HIVEP2: variants seen among roughly 807,000 people sequenced by gnomAD.
HIVEP2 encodes the protein HIVEP zinc finger 2.
A neutral mutation model predicts 180.7 loss-of-function variants in HIVEP2; 14 were observed. The ratio of observed to expected loss-of-function variants is 0.08; its 90% confidence interval spans 0.05 to 0.12. The LOEUF (loss-of-function observed/expected upper bound fraction) is 0.12. Ranked by LOEUF, HIVEP2 falls within the 10% of genes least tolerant of loss-of-function variation. The pLI, the probability that HIVEP2 is intolerant of heterozygous loss-of-function variation, is 1.00. For missense variants in HIVEP2, 2,579 were observed against 3,008.5 expected (o/e 0.86, Z 3.34); for synonymous variants, 1,184 against 1,136.4 (o/e 1.04, Z -0.84).
At chr6:142,867,808 G>T (rs1776178817) in intron 1 of HIVEP2, among the ~76,000 whole-genome samples, 1 of 152,172 alleles carries the variant, frequency 6.6e-6, no homozygotes, top group East Asian at 1.9e-4. Flanking sequence ...GCAAGACTTG[G>T]TTGCTATCCT....
chr6:142,926,225 T>C (rs1777806280), intron 1 of HIVEP2, among the ~76,000 whole-genome samples: 1 of 152,232 alleles, frequency 6.6e-6, no homozygotes, highest in South Asian at 2.1e-4. Flanking sequence ...ACAGTAAAAG[T>C]CCATCTAATA....
chr6:142,808,346 T>C (rs926199283), intron 2 of HIVEP2, among the ~76,000 whole-genome samples: 2 of 149,522 alleles, frequency 1.3e-5, no homozygotes, highest in African/African-American at 2.5e-5. Flanking sequence ...GAGGGAGGGA[T>C]GAAGGAAGGG....
intron 2 of HIVEP2, among the ~76,000 whole-genome samples, chr6:142,790,112 T>C (rs1190789593): frequency 1.3e-5 from 2 of 152,186 alleles, no homozygotes; most frequent in African/African-American, 4.8e-5. Context: ...AGTAGAGTTA[T>C]GAGACCATCT....
In HIVEP2 at chr6:142,762,334, G is replaced by A. The variant is rs193075021; in HGVS notation, c.5519-769C>T. 1.8e-3 allele frequency among the ~76,000 whole-genome samples: 270 copies of A among 152,140 alleles called. 1 individual carries two copies. The highest frequency in any genetic ancestry group is 5.0e-3 in the African/African-American group (206 of 41,506). The stretch of plus-strand genomic sequence containing the variant: ...ATGATAATGGCATATACAATTATAT[G>A]TGTATATACATGTGTGGATATAAAT... On this transcript the variant is annotated intron_variant, in intron 7 of 9. Transcript: ENST00000367603.
chr6:142,899,339 A>C (rs1777074074), intron 1 of HIVEP2, among the ~76,000 whole-genome samples: 1 of 152,194 alleles, frequency 6.6e-6, no homozygotes. Context: ...AAGCCTCTCA[A>C]GTAAAGCTGC....
chr6:142,827,238 A>G (rs1774930188), intron 2 of HIVEP2, among the ~76,000 whole-genome samples: 1 of 152,246 alleles, frequency 6.6e-6, no homozygotes, highest in South Asian at 2.1e-4. Context: ...CCAACTAAAC[A>G]TAACCATGAT....
chr6:142,832,716 C>T (rs1775123271), intron 2 of HIVEP2, among the ~76,000 whole-genome samples: 1 of 152,118 alleles, frequency 6.6e-6, no homozygotes, highest in South Asian at 2.1e-4. Context: ...ACTGTAACTG[C>T]CAAGGGAACC....
intron 2 of HIVEP2, among the ~76,000 whole-genome samples, chr6:142,783,995 CTTG>C (rs372898399): frequency 4.4e-4 from 67 of 152,280 alleles, no homozygotes; most frequent in African/African-American, 1.5e-3. Context: ...CTCAGATAAC[CTTG>C]TTGTAAATTT....
intron 2 of HIVEP2, among the ~76,000 whole-genome samples, chr6:142,791,312 A>G (rs993678611): frequency 6.6e-6 from 1 of 152,154 alleles, no homozygotes; most frequent in Non-Finnish European, 1.5e-5. Flanking sequence ...AATGGCTTGA[A>G]CAACCAGGAA....
chr6:142,798,210 A>C (rs1021233786), intron 2 of HIVEP2, among the ~76,000 whole-genome samples: 2 of 151,896 alleles, frequency 1.3e-5, no homozygotes, highest in African/African-American at 4.8e-5. Flanking sequence ...CTCCTCTTGC[A>C]GTGAGCTGAG....
intron 2 of HIVEP2, among the ~76,000 whole-genome samples, chr6:142,789,763 G>C (rs1459629070): frequency 6.6e-6 from 1 of 152,054 alleles, no homozygotes; most frequent in Non-Finnish European, 1.5e-5. Flanking sequence ...AATGAGTAAA[G>C]AAGTAAAAAA....
chr6:142,785,233 A>T (rs558118068), intron 2 of HIVEP2, among the ~76,000 whole-genome samples: 1 of 150,528 alleles, frequency 6.6e-6, no homozygotes, highest in East Asian at 2.0e-4. Flanking sequence ...CATCTGTTTT[A>T]AAAAATCAAA....
chr6:142,847,246 A>G (rs931324617), intron 1 of HIVEP2, among the ~76,000 whole-genome samples: 3 of 152,214 alleles, frequency 2.0e-5, no homozygotes, highest in East Asian at 1.9e-4. Context: ...ACTTGATTGC[A>G]TAAAACATAG....
At chr6:142,853,306 G>T (rs1465242495) in intron 1 of HIVEP2, among the ~76,000 whole-genome samples, 1 of 152,144 alleles carries the variant, frequency 6.6e-6, no homozygotes, top group East Asian at 1.9e-4. Flanking sequence ...GTAGAGAAGG[G>T]ACTCTAAGCT....
At chr6:142,803,918 A>G (rs1562241444) in intron 2 of HIVEP2, among the ~76,000 whole-genome samples, 1 of 152,178 alleles carries the variant, frequency 6.6e-6, no homozygotes, top group Non-Finnish European at 1.5e-5. Flanking sequence ...TCTCATTTTC[A>G]TATGAACCTG....
At position 142,760,267 on chromosome 6, in the gene HIVEP2, C is replaced by A. The variant is rs139323930; in HGVS notation, c.6021G>T (p.Thr2007=). The A allele has an allele frequency of 3.7e-6, 6 of 1,613,990 alleles. No individual in the cohort carries two copies. The African/African-American group carries it at 8.0e-5, about 22-fold the overall frequency. Residue 2007 remains threonine, a synonymous_variant, in exon 9 of 10, where the codon ACG becomes ACT. Transcript: ENST00000367603. ...ATCTGTCTTTGTCTGGTTCTGAGTCCGTACTTTTGCTCTGGAATAGCCTCT... is the reference window on the plus strand; with the variant it reads ...ATCTGTCTTTGTCTGGTTCTGAGTCAGTACTTTTGCTCTGGAATAGCCTCT... ...EYQRLFQSKS[T]DSEPDKDRLD... is the part of the protein sequence containing the mutation.
chr6:142,912,679 G>A (rs554695270), intron 1 of HIVEP2, among the ~76,000 whole-genome samples: 3 of 152,326 alleles, frequency 2.0e-5, no homozygotes, highest in South Asian at 2.1e-4. Flanking sequence ...GCGTGAAACC[G>A]ACTGTGAACC....
intron 1 of HIVEP2, among the ~76,000 whole-genome samples, chr6:142,851,437 G>C (rs1443393079): frequency 1.3e-5 from 2 of 152,226 alleles, no homozygotes; most frequent in African/African-American, 4.8e-5. Context: ...TTAAGGAAAT[G>C]AAAGATCTAG....
At chr6:142,863,289 G>A (rs1776053586) in intron 1 of HIVEP2, among the ~76,000 whole-genome samples, 1 of 151,078 alleles carries the variant, frequency 6.6e-6, no homozygotes, top group Non-Finnish European at 1.5e-5. Context: ...AGTTATAGTA[G>A]TTTGTGTTAC....
Sources: allele counts gnomAD v4.1 joint callset (sites outside exome capture counted in the v4.1 genomes callset), GRCh38; gene constraint gnomAD v4.1.1; transcripts MANE v1.5; gene names NCBI Gene and HGNC (gene_info 2026-07-23, HGNC 2026-07-21).